The following SNX16 variants were observed in gnomAD, a reference collection of about 807,000 sequenced individuals.
The protein encoded by SNX16 is sorting nexin 16.
SNX16 carries 35 observed loss-of-function variants against 36.7 expected under a neutral mutation model. The observed-to-expected ratio is 0.95, with a 90% CI of 0.73 to 1.27. The LOEUF (loss-of-function observed/expected upper bound fraction) is 1.27, where lower values mean the gene tolerates loss of function less well. Among genes scored for constraint, SNX16 ranks in the 50% most tolerant of loss-of-function variants. The pLI is 0.00. For missense variants in SNX16, 367 were observed against 393.6 expected, an observed-to-expected ratio of 0.93 and a Z score of 0.57; for synonymous variants, 134 against 132.0, an observed-to-expected ratio of 1.02 and a Z score of -0.10.
chr8:81,839,646 C>A lies in SNX16; in HGVS notation c.341G>T (p.Gly114Val). The A allele has an allele frequency of 6.2e-7, 1 of 1,613,596 alleles. No homozygotes were observed. The highest frequency in any genetic ancestry group is 8.5e-7 in the Non-Finnish European group (1 of 1,179,706). ...EDRPSTPTILGYEVMEERAKF... is the reference protein window; with the variant it reads ...EDRPSTPTILVYEVMEERAKF... ...AGCTCTTTCTTCCATCACTTCATAA[C>A]CCAGTATAGTAGGTGTAGATGGTCT... The change falls in exon 2 of 8, where the codon GGT becomes GTT. Residue 114 changes from glycine to valine, a missense_variant. Transcript: ENST00000345957.
chr8:81,824,301 T>C (rs1476876165), intron 3 of SNX16, among the ~76,000 whole-genome samples: 1 of 152,158 alleles, frequency 6.6e-6, no homozygotes, highest in Non-Finnish European at 1.5e-5. Context: ...CAATGGTGAA[T>C]TATGTATTAA....
chr8:81,820,317 G>A (rs1563442862), intron 4 of SNX16, among the ~76,000 whole-genome samples: 1 of 151,834 alleles, frequency 6.6e-6, no homozygotes. Flanking sequence ...TCAAGCTTTT[G>A]TCTGATGAAC....
chr8:81,840,484 CTA>C (rs1184650645), intron 1 of SNX16: 4 of 152,886 alleles, frequency 2.6e-5, no homozygotes. Flanking sequence ...AGGAAGAAAA[CTA>C]TTTACATTAC....
At chr8:81,802,249 C>T (rs1308920442) in intron 7 of SNX16, 131 bp downstream of exon 7, 5 of 555,904 alleles carry the variant, frequency 9.0e-6, no homozygotes, top group Non-Finnish European at 1.4e-5. Context: ...ATTTCCAATT[C>T]ATTCTCTGTT....
At chr8:81,819,665 G>A (rs2130685076) in intron 4 of SNX16, among the ~76,000 whole-genome samples, 1 of 151,858 alleles carries the variant, frequency 6.6e-6, no homozygotes, top group East Asian at 1.9e-4. Flanking sequence ...TATAGTCAAA[G>A]CATCTTTTAA....
Position 81,803,231 on chromosome 8 carries a change from TAAAA to T in SNX16, c.682-7_682-4del. ...TCTTCTAAAGTTTCACAGAATGCCT[TAAAA>T]AAAACAACAAACAAAACTAAACACA... On this transcript the variant is annotated splice_region_variant and splice_polypyrimidine_tract_variant and intron_variant, in intron 5 of 7. Transcript: ENST00000345957. 3 of 1,587,640 alleles carry T rather than the reference TAAAA, an allele frequency of 1.9e-6. No individual in the cohort carries two copies. Among genetic ancestry groups the T allele is most frequent in the Non-Finnish European group, 2.6e-6 (3 of 1,171,578 alleles).
chr8:81,813,492 T>A (rs1324622373), intron 5 of SNX16, among the ~76,000 whole-genome samples: 1 of 151,054 alleles, frequency 6.6e-6, no homozygotes, highest in Non-Finnish European at 1.5e-5. Context: ...ATTAAAAATA[T>A]ATATATGAGA....
chr8:81,814,898 A>G (rs1033751000), intron 5 of SNX16: 1 of 152,344 alleles, frequency 6.6e-6, no homozygotes, highest in African/African-American at 2.4e-5. Flanking sequence ...TAATTTGAGA[A>G]GCATCAGGCA....
rs1320385563 is a variant in SNX16, at chr8:81,802,412, C to T, written c.906G>A (p.Glu302=). ...QILKVESSAL[E]VDQDVLDEES... The stretch of plus-strand genomic sequence containing the variant: ...CTTCATCCAGGACATCTTGATCAAC[C>T]TCAAGTGCAGAGGACTCCACCTTTA... The change falls in exon 7 of 8, where the codon GAG becomes GAA. Residue 302 remains glutamate (E), a synonymous_variant. Transcript: ENST00000345957. The T allele has an allele frequency of 1.2e-6, 2 of 1,608,512 alleles. No individual in the cohort carries two copies. Among genetic ancestry groups the T allele is most frequent in the East Asian group, 2.2e-5 (1 of 44,520 alleles).
intron 4 of SNX16, among the ~76,000 whole-genome samples, chr8:81,820,799 C>T (rs970403558): frequency 6.6e-6 from 1 of 151,660 alleles, no homozygotes; most frequent in Non-Finnish European, 1.5e-5. Flanking sequence ...AAACAGGAGC[C>T]TAATTTCTCT....
At chr8:81,839,115 G>A (rs1811623097) in intron 2 of SNX16, among the ~76,000 whole-genome samples, 2 of 152,088 alleles carry the variant, frequency 1.3e-5, no homozygotes, top group South Asian at 4.1e-4. Flanking sequence ...GGAAGCTATG[G>A]ATCAACTGGA....
intron 3 of SNX16, among the ~76,000 whole-genome samples, chr8:81,826,342 C>G (rs1811021046): frequency 6.6e-6 from 1 of 152,098 alleles, no homozygotes; most frequent in South Asian, 2.1e-4. Context: ...CCTGGAATGT[C>G]TTGACAATGA....
intron 4 of SNX16, among the ~76,000 whole-genome samples, chr8:81,817,706 A>C (rs1484467160): frequency 6.6e-6 from 1 of 152,130 alleles, no homozygotes; most frequent in African/African-American, 2.4e-5. Flanking sequence ...TTTTCTTTCT[A>C]AGGAGAGGAC....
intron 2 of SNX16, among the ~76,000 whole-genome samples, chr8:81,831,335 T>C (rs1811257595): frequency 6.6e-6 from 1 of 152,052 alleles, no homozygotes; most frequent in Non-Finnish European, 1.5e-5. Flanking sequence ...ACCTACAGAA[T>C]GGGAGAAAAT....
At position 81,808,726 on chromosome 8, in the gene SNX16, G is replaced by A. The variant is rs578156953; in HGVS notation, c.682-5498C>T. On this transcript the variant is annotated intron_variant, in intron 5 of 7. Transcript: ENST00000345957. ...AGCCGTAGCTATGGCAGTGGCAGAA[G>A]ATTTTAATTAGGAAACAAAGCTCAG... is the stretch of plus-strand genomic sequence containing the variant. 18 of 1,147,360 alleles carry A rather than the reference G, an allele frequency of 1.6e-5. No individual in the cohort carries two copies. The East Asian group carries it at 3.7e-4, about 24-fold the overall frequency. The allele number at this position is 1,147,360 out of a possible 1,614,324, so 71.1% of individuals were successfully genotyped here.
At chr8:81,812,469 A>AT (rs150048867) in intron 5 of SNX16, among the ~76,000 whole-genome samples, 209 of 149,996 alleles carry the variant, frequency 1.4e-3, no homozygotes, top group Middle Eastern at 3.4e-3. Flanking sequence ...ATAAAGGTTG[A>AT]TTTTTTTTTT....
chr8:81,838,608 C>T (rs1355624452), intron 2 of SNX16, among the ~76,000 whole-genome samples: 2 of 149,538 alleles, frequency 1.3e-5, no homozygotes, highest in African/African-American at 4.9e-5. Flanking sequence ...ACCCTCACCT[C>T]ACACCATGGA....
At chr8:81,818,238 T>C (rs1810577741) in intron 4 of SNX16, among the ~76,000 whole-genome samples, 1 of 152,126 alleles carries the variant, frequency 6.6e-6, no homozygotes, top group South Asian at 2.1e-4. Flanking sequence ...TCTCATGAGA[T>C]AGCATTATAT....
chr8:81,822,121 G>A (rs1335903584), intron 4 of SNX16, among the ~76,000 whole-genome samples: 1 of 152,102 alleles, frequency 6.6e-6, no homozygotes, highest in African/African-American at 2.4e-5. Context: ...AGAAGGGATG[G>A]TACAGACTCT....
Sources: allele counts gnomAD v4.1 joint callset (sites outside exome capture counted in the v4.1 genomes callset), GRCh38; gene constraint gnomAD v4.1.1; transcripts MANE v1.5; gene names NCBI Gene and HGNC (gene_info 2026-07-23, HGNC 2026-07-21).